The following ANTXR2 variants were observed in gnomAD, a reference collection of about 807,000 sequenced individuals.
The protein encoded by ANTXR2 is ANTXR cell adhesion molecule 2.
Under a neutral mutation model 73.7 loss-of-function variants are expected in ANTXR2, and 44 were observed. The ratio of observed to expected loss-of-function variants is 0.60; its 90% CI spans 0.47 to 0.77. The LOEUF (loss-of-function observed/expected upper bound fraction) is 0.77. Ranked by LOEUF, ANTXR2 falls within the 30% of genes least tolerant of loss-of-function variation. ANTXR2 has a pLI of 0.00. For missense variants in ANTXR2, 604 were observed against 592.5 expected, an observed-to-expected ratio of 1.02 and a Z score of -0.20; for synonymous variants, 217 against 205.9, an observed-to-expected ratio of 1.05 and a Z score of -0.46.
rs1419745925 is a variant in ANTXR2 at position 80,072,461 on chromosome 4, G to A, written c.100C>T (p.Gln34Ter). The change falls in exon 1 of 17, where the codon CAG becomes TAG. Residue 34 changes from glutamine to a stop codon, truncating the protein, a stop_gained. Transcript: ENST00000403729. LOFTEE classifies it high-confidence loss of function. ...GCTCTTCTGCAGGAGGGCTGCTCCT[G>A]GGCGCGCAGCAGCCCCCCGGGACCG... ...LSGPGGLLRA[Q>*]EQPSCRRAFD... 6.2e-7 allele frequency: 1 copy of A among 1,609,658 alleles called. No homozygotes were observed. Among genetic ancestry groups the A allele is most frequent in the African/African-American group, 1.3e-5 (1 of 74,494 alleles).
intron 12 of ANTXR2, among the ~76,000 whole-genome samples, chr4:80,007,028 T>C (rs748290565): frequency 2.8e-4 from 43 of 152,046 alleles, no homozygotes; most frequent in Non-Finnish European, 5.0e-4. Flanking sequence ...TAAATTGCTA[T>C]GGCAGGAAAC....
intron 11 of ANTXR2, among the ~76,000 whole-genome samples, chr4:80,018,143 G>A (rs1339407789): frequency 6.6e-6 from 1 of 152,058 alleles, no homozygotes; most frequent in Non-Finnish European, 1.5e-5. Context: ...TTAGGATTTT[G>A]GTCTTTTGGA....
intron 12 of ANTXR2, among the ~76,000 whole-genome samples, chr4:79,990,555 G>A (rs916841711): frequency 6.6e-6 from 1 of 151,986 alleles, no homozygotes; most frequent in African/African-American, 2.4e-5. Flanking sequence ...TAGCCATATT[G>A]CCCAAAGCAA....
chr4:79,961,457 T>C (rs1729138706), intron 16 of ANTXR2, among the ~76,000 whole-genome samples: 1 of 152,014 alleles, frequency 6.6e-6, no homozygotes, highest in Non-Finnish European at 1.5e-5. Flanking sequence ...TTTTTTAAGA[T>C]GGGATCTTGC....
intron 16 of ANTXR2, among the ~76,000 whole-genome samples, chr4:79,948,106 T>C (rs1015134224): frequency 6.6e-6 from 1 of 152,146 alleles, no homozygotes; most frequent in African/African-American, 2.4e-5. Flanking sequence ...TTAACCAGGA[T>C]TCCATGAGTA....
rs375169628 is a variant in ANTXR2, at chr4:79,907,604, AT to A, written c.1429-138del. 3.7e-4 allele frequency: 336 copies of A among 911,224 alleles called. 1 individual carries two copies. Among genetic ancestry groups the A allele is most frequent in the African/African-American group, 3.3e-3 (195 of 58,524 alleles). The allele number at this position is 911,224 out of a possible 1,614,324, so 56.4% of individuals were successfully genotyped here. The stretch of plus-strand genomic sequence containing the variant: ...TGTTAACTTGAGACATGAAGTCATA[AT>A]TTTTTTTTCTTGGGTTAAAGCATGA... On this transcript the variant is annotated intron_variant, in intron 16 of 16. Coordinates refer to ENST00000403729, the MANE Select transcript of ANTXR2 (RefSeq NM_058172.6).
intron 16 of ANTXR2, among the ~76,000 whole-genome samples, chr4:79,954,944 C>T (rs1263261408): frequency 1.3e-5 from 2 of 152,142 alleles, no homozygotes; most frequent in Non-Finnish European, 2.9e-5. Flanking sequence ...GTTGGAAAAT[C>T]AATTTCAATG....
At chr4:79,923,371 G>T (rs989884145) in intron 16 of ANTXR2, among the ~76,000 whole-genome samples, 12 of 152,088 alleles carry the variant, frequency 7.9e-5, no homozygotes, top group African/African-American at 2.9e-4. Flanking sequence ...AGTCTTCCTG[G>T]CTTATTTAGT....
intron 13 of ANTXR2, 95 bp downstream of exon 13, chr4:79,984,723 AT>A: frequency 9.6e-7 from 1 of 1,046,378 alleles, no homozygotes; most frequent in Non-Finnish European, 1.5e-6. Context: ...CATAGGTATC[AT>A]AGTTATCTAA....
At chr4:80,028,778 T>C (rs1452136710) in intron 10 of ANTXR2, among the ~76,000 whole-genome samples, 2 of 152,162 alleles carry the variant, frequency 1.3e-5, no homozygotes, top group Non-Finnish European at 2.9e-5. Flanking sequence ...CTAAACTGTT[T>C]CAATTGTGTT....
chr4:79,923,284 A>T (rs1290936442), intron 16 of ANTXR2, among the ~76,000 whole-genome samples: 1 of 152,176 alleles, frequency 6.6e-6, no homozygotes, highest in Non-Finnish European at 1.5e-5. Flanking sequence ...ATACAAACAC[A>T]AAACTATAAA....
intron 10 of ANTXR2, among the ~76,000 whole-genome samples, chr4:80,029,247 G>A (rs575562383): frequency 2.1e-4 from 32 of 152,146 alleles, no homozygotes; most frequent in African/African-American, 7.7e-4. Flanking sequence ...TCAGTGCCTG[G>A]GATAAAACAG....
intron 8 of ANTXR2, among the ~76,000 whole-genome samples, chr4:80,034,923 C>T (rs1732884973): frequency 6.6e-6 from 1 of 151,990 alleles, no homozygotes; most frequent in African/African-American, 2.4e-5. Flanking sequence ...AAATGTGATT[C>T]GGTAAGAGTA....
chr4:80,055,178 A>G lies in ANTXR2; in HGVS notation c.527T>C (p.Val176Ala). ...TGCTTGTTCAAAATCAAGGACACCA[A>G]CACAATAAACACTAGCCCCAAGTGA... Reference protein sequence around the residue: ...SRSLGASVYCVGVLDFEQAQL... With the variant: ...SRSLGASVYCAGVLDFEQAQL... The change falls in exon 6 of 17, where the codon GTT becomes GCT. Residue 176 changes from valine to alanine, a missense_variant. By Grantham distance (64) the Val-to-Ala change is moderately conservative. Transcript: ENST00000403729. The G allele has an allele frequency of 6.4e-7, 1 of 1,566,468 alleles. No homozygotes were observed. The highest frequency in any genetic ancestry group is 8.7e-7 in the Non-Finnish European group (1 of 1,154,224).
chr4:79,961,085 A>AC (rs1729123307), intron 16 of ANTXR2, among the ~76,000 whole-genome samples: 1 of 152,010 alleles, frequency 6.6e-6, no homozygotes, highest in Admixed American at 6.6e-5. Flanking sequence ...TAAGTAACAA[A>AC]CTGTCTACAA....
chr4:79,999,193 C>T (rs575043941), intron 12 of ANTXR2, among the ~76,000 whole-genome samples: 61 of 152,028 alleles, frequency 4.0e-4, no homozygotes, highest in African/African-American at 1.3e-3. Context: ...AATCTCATCT[C>T]GAATTGTAAT....
chr4:79,913,152 A>G (rs1459710932), intron 16 of ANTXR2, among the ~76,000 whole-genome samples: 2 of 152,198 alleles, frequency 1.3e-5, no homozygotes, highest in Non-Finnish European at 2.9e-5. Flanking sequence ...ACTTCCAGCT[A>G]TGCCAAAGCT....
chr4:80,021,692 C>T (rs969359761), intron 10 of ANTXR2, among the ~76,000 whole-genome samples: 46 of 152,084 alleles, frequency 3.0e-4, no homozygotes, highest in African/African-American at 1.0e-3. Flanking sequence ...GAAATGCATG[C>T]TGATATGATC....
chr4:79,995,843 T>C (rs1730698675), intron 12 of ANTXR2, among the ~76,000 whole-genome samples: 1 of 152,002 alleles, frequency 6.6e-6, no homozygotes, highest in African/African-American at 2.4e-5. Context: ...CAAAGCTCTA[T>C]CTAAATCACA....
Sources: gnomAD v4.1 joint callset for allele counts (sites outside exome capture counted in the v4.1 genomes callset) on GRCh38, gnomAD v4.1.1 for gene constraint, MANE v1.5 for transcripts, NCBI Gene and HGNC (gene_info 2026-07-23, HGNC 2026-07-21) for gene names.